The following TRIM54 variants were observed in gnomAD, a reference collection of about 807,000 sequenced individuals.
The protein encoded by TRIM54 is tripartite motif containing 54.
In TRIM54, 40 loss-of-function variants were observed where a neutral mutation model predicts 42.0. That is an observed-to-expected ratio of 0.95 (90% confidence interval 0.74 to 1.24). The LOEUF (loss-of-function observed/expected upper bound fraction) is 1.24. Among genes scored for constraint, TRIM54 ranks in the 50% most tolerant of loss-of-function variants. The probability of loss-of-function intolerance (pLI) is 0.00; values close to 1 mark genes in which losing one functional copy is unlikely to be tolerated. For synonymous variants in TRIM54, 199 were observed against 194.9 expected, an observed-to-expected ratio of 1.02 and a Z score of -0.17; for missense variants, 485 against 480.3, an observed-to-expected ratio of 1.01 and a Z score of -0.09.
Position 27,282,529 on chromosome 2 carries a change from G to T in TRIM54, c.-203G>T, listed in dbSNP as rs565476841. The T allele has an allele frequency of 4.5e-6, 2 of 445,360 alleles. No individual in the cohort carries two copies. The highest frequency in any genetic ancestry group is 3.9e-6 in the Non-Finnish European group (1 of 256,392). The allele number at this position is 445,360 out of a possible 1,614,324, so 27.6% of individuals were successfully genotyped here. ...ATAGCTAAAACTACGTGAGCCTGGC[G>T]AGGGTGCAGAGCAGAAAGTAGAGAC... is the stretch of plus-strand genomic sequence containing the variant. On this transcript the variant is annotated 5_prime_UTR_variant, in exon 1 of 9. Transcript: ENST00000380075.
chr2:27,285,921 T>C (rs781332210), intron 1 of TRIM54, among the ~76,000 whole-genome samples: 19 of 151,958 alleles, frequency 1.3e-4, no homozygotes, highest in Non-Finnish European at 1.9e-4. Context: ...GAAGCAAAAT[T>C]TGAAAACAAT....
chr2:27,297,918 C>T (rs1403939115), intron 1 of TRIM54, among the ~76,000 whole-genome samples: 1 of 140,614 alleles, frequency 7.1e-6, no homozygotes, highest in Non-Finnish European at 1.5e-5. Context: ...GAGGTCGAGG[C>T]TGCGGTGAGC....
intron 3 of TRIM54, among the ~76,000 whole-genome samples, chr2:27,300,827 C>T (rs1004883613): frequency 2.0e-5 from 3 of 151,990 alleles, no homozygotes; most frequent in South Asian, 2.1e-4. Flanking sequence ...GATTGCACCA[C>T]GGCACTCCAG....
At chr2:27,284,115 A>C (rs904731868) in intron 1 of TRIM54, among the ~76,000 whole-genome samples, 9 of 152,322 alleles carry the variant, frequency 5.9e-5, no homozygotes, top group Admixed American at 2.6e-4. Context: ...CCTGGGCGAC[A>C]GAGCAAGACT....
intron 1 of TRIM54, among the ~76,000 whole-genome samples, chr2:27,295,103 T>C (rs1678828197): frequency 6.6e-6 from 1 of 151,596 alleles, no homozygotes; most frequent in Admixed American, 6.6e-5. Context: ...TCCTGCTCTG[T>C]CGCCCAGGTT....
intron 3 of TRIM54, chr2:27,299,690 A>ATCTG: frequency 1.6e-6 from 1 of 611,588 alleles, no homozygotes; most frequent in Middle Eastern, 2.6e-4. Context: ...CTATCTATCT[A>ATCTG]TCTATCTATC....
chr2:27,288,122 G>C (rs775821781), intron 1 of TRIM54, among the ~76,000 whole-genome samples: 3 of 152,186 alleles, frequency 2.0e-5, no homozygotes, highest in Non-Finnish European at 4.4e-5. Flanking sequence ...AGGCGCTTCA[G>C]CTTTTCTCCA....
At chr2:27,302,683 C>G (rs754947049) in intron 3 of TRIM54, among the ~76,000 whole-genome samples, 1 of 151,754 alleles carries the variant, frequency 6.6e-6, no homozygotes, top group Non-Finnish European at 1.5e-5. Flanking sequence ...CCCAGCTACT[C>G]GGGAGGCTGA....
At chr2:27,286,019 A>G (rs1678547465) in intron 1 of TRIM54, among the ~76,000 whole-genome samples, 1 of 152,218 alleles carries the variant, frequency 6.6e-6, no homozygotes, top group African/African-American at 2.4e-5. Flanking sequence ...ACTTGAGCCC[A>G]GGAATTTAAG....
intron 3 of TRIM54, chr2:27,299,634 G>A (rs535166645): frequency 3.5e-5 from 32 of 910,754 alleles, no homozygotes; most frequent in East Asian, 3.4e-4. Flanking sequence ...TCTTAGCCTC[G>A]CAGAACACTA....
At position 27,307,420 on chromosome 2, in the gene TRIM54, A is replaced by G; in HGVS notation, c.*535A>G. On this transcript the variant is annotated 3_prime_UTR_variant, in exon 9 of 9. Coordinates refer to ENST00000380075, the MANE Select transcript of TRIM54 (RefSeq NM_187841.3). The surrounding 1 kb of genome is among the most constrained non-coding windows in gnomAD (Gnocchi z 6.9). ...CCAACGGGTCTTCAGTACTTTTATTAAAAAATAGTCACGCAGACAGTGCCC... is the reference window on the plus strand; with the variant it reads ...CCAACGGGTCTTCAGTACTTTTATTGAAAAATAGTCACGCAGACAGTGCCC... The G allele has an allele frequency of 6.6e-7, 1 of 1,523,702 alleles. No homozygotes were observed. Among genetic ancestry groups the G allele is most frequent in the Non-Finnish European group, 8.8e-7 (1 of 1,135,396 alleles). The allele number at this position is 1,523,702 out of a possible 1,614,324, so 94.4% of individuals were successfully genotyped here.
intron 4 of TRIM54, 69 bp downstream of exon 4, chr2:27,305,123 A>T: frequency 7.2e-7 from 1 of 1,384,062 alleles, no homozygotes; most frequent in Non-Finnish European, 1.0e-6. Flanking sequence ...TCCCAAGAGA[A>T]CTGCTCCTCT....
intron 1 of TRIM54, among the ~76,000 whole-genome samples, chr2:27,285,948 G>A (rs1039407200): frequency 6.6e-6 from 1 of 152,050 alleles, no homozygotes; most frequent in Admixed American, 6.6e-5. Context: ...AAAAATACTG[G>A]CTACGTAAGG....
rs760959750 is a variant in TRIM54 at position 27,306,162 on chromosome 2, G to A, written c.867-51G>A. Reference sequence around the variant, plus strand: ...CTGCACTGCTCCACTGGCTGGGGTGGGGCTTGAGAGTGCTGGGGCATTGCC... The same window carrying A: ...CTGCACTGCTCCACTGGCTGGGGTGAGGCTTGAGAGTGCTGGGGCATTGCC... On this transcript the variant is annotated intron_variant, in intron 6 of 8. Coordinates refer to ENST00000380075, the MANE Select transcript of TRIM54 (RefSeq NM_187841.3). This position sits in a 1 kb window ranked among gnomAD's most constrained non-coding sequence, Gnocchi z 6.1. 1.9e-6 allele frequency: 3 copies of A among 1,613,996 alleles called. No individual in the cohort carries two copies. In the Middle Eastern group the frequency reaches 4.9e-4, roughly 266 times the overall value.
intron 2 of TRIM54, 104 bp from the exon 3 acceptor site, chr2:27,299,141 T>G: frequency 7.4e-7 from 1 of 1,344,286 alleles, no homozygotes; most frequent in Non-Finnish European, 1.0e-6. Flanking sequence ...CAGCACTAGC[T>G]GCAGGGGCGG....
chr2:27,298,785 C>G (rs1374424978), intron 2 of TRIM54, 46 bp downstream of exon 2: 1 of 1,594,442 alleles, frequency 6.3e-7, no homozygotes, highest in South Asian at 1.1e-5. Flanking sequence ...GGGCTTGGGA[C>G]ACAGCCAAGG....
Position 27,306,352 on chromosome 2 carries a change from C to G in TRIM54, c.991+15C>G. ...CTTCCAGCCAGGTGAAGGAGGTGGCCGAGGGCCGCTGAGACGGGTTCGGAC... is the reference window on the plus strand; with the variant it reads ...CTTCCAGCCAGGTGAAGGAGGTGGCGGAGGGCCGCTGAGACGGGTTCGGAC... On this transcript the variant is annotated intron_variant, in intron 7 of 8. Coordinates refer to ENST00000380075, the MANE Select transcript of TRIM54 (RefSeq NM_187841.3). The surrounding 1 kb of genome is among the most constrained non-coding windows in gnomAD (Gnocchi z 6.1). 1 of 1,613,942 alleles carries G rather than the reference C, an allele frequency of 6.2e-7. No homozygotes were observed. The highest frequency in any genetic ancestry group is 8.5e-7 in the Non-Finnish European group (1 of 1,179,930).
intron 1 of TRIM54, among the ~76,000 whole-genome samples, chr2:27,290,681 A>G (rs1678696393): frequency 6.6e-6 from 1 of 152,192 alleles, no homozygotes; most frequent in South Asian, 2.1e-4. Flanking sequence ...AATGATAAGC[A>G]TACATTATTT....
Position 27,298,620 on chromosome 2 carries a change from C to G in TRIM54, c.222C>G (p.Gly74=). The change falls in exon 2 of 9, where the codon GGC becomes GGG. Residue 74 remains glycine (G), a synonymous_variant. Coordinates refer to ENST00000380075, the MANE Select transcript of TRIM54 (RefSeq NM_187841.3). ...SRGSTTVSSG[G]RFRCPSCRHE... ...GCTCCACCACTGTGTCTTCAGGAGG[C>G]CGTTTCCGCTGCCCATCGTGCAGGC... 1 of 1,614,206 alleles carries G rather than the reference C, an allele frequency of 6.2e-7. No homozygotes were observed. Among genetic ancestry groups the G allele is most frequent in the Non-Finnish European group, 8.5e-7 (1 of 1,180,042 alleles).
Sources: gnomAD v4.1 joint callset for allele counts (sites outside exome capture counted in the v4.1 genomes callset) on GRCh38, gnomAD v4.1.1 for gene constraint, Gnocchi (gnomAD v3.1) non-coding constraint, MANE v1.5 for transcripts, NCBI Gene and HGNC (gene_info 2026-07-23, HGNC 2026-07-21) for gene names.